The following NEMP2 variants were observed in gnomAD, a reference collection of about 807,000 sequenced individuals.
NEMP2 encodes UPF0571 transmembrane protein.
Under a neutral mutation model 54.2 loss-of-function variants are expected in NEMP2, and 53 were observed. That is an observed-to-expected ratio of 0.98 (90% CI 0.78 to 1.23). The LOEUF is 1.23. Ranked by LOEUF, NEMP2 falls within the 50% of genes most tolerant of loss-of-function variation. The pLI is 0.00. For synonymous variants in NEMP2, 197 were observed against 190.3 expected (o/e 1.04, Z -0.29); for missense variants, 455 against 511.3 (o/e 0.89, Z 1.06).
the NEMP2 span, among the ~76,000 whole-genome samples, chr2:190,547,033 C>T: frequency 2.0e-5 from 3 of 152,216 alleles, no homozygotes; most frequent in Admixed American, 2.0e-4. The surrounding 1 kb of genome is among the most constrained non-coding windows in gnomAD (Gnocchi z 6.2). Context: ...GGAGGACTAT[C>T]TCCCTTTTCA....
rs1690408529 is a variant in NEMP2 at position 190,512,661 on chromosome 2, T to C, written c.953+1792A>G. On this transcript the variant is annotated intron_variant, in intron 7 of 8. Transcript: ENST00000409150. The surrounding 1 kb of genome is among the most constrained non-coding windows in gnomAD (Gnocchi z 4.5). ...TGGTTAAAGGGAAGGAAGAAGGAAC[T>C]CTATCCTGAGTTCCTCAGGCCACAA... is the stretch of plus-strand genomic sequence containing the variant. Among the ~76,000 whole-genome samples the C allele has an allele frequency of 6.6e-6, 1 of 152,156 alleles. No homozygotes were observed. Among genetic ancestry groups the C allele is most frequent in the South Asian group, 2.1e-4 (1 of 4,832 alleles).
the NEMP2 span, among the ~76,000 whole-genome samples, chr2:190,430,449 C>T: frequency 6.6e-6 from 1 of 151,446 alleles, no homozygotes; most frequent in Non-Finnish European, 1.5e-5. Context: ...TAACAAAGCA[C>T]ATCTTGCACC....
At chr2:190,500,333 T>A (rs374143867), downstream of NEMP2, 164 of 1,038,920 alleles carry the variant, frequency 1.6e-4, 1 homozygote, top group Middle Eastern at 5.4e-3. The surrounding 1 kb of genome is among the most constrained non-coding windows in gnomAD (Gnocchi z 5.3). Flanking sequence ...CTGCATATGC[T>A]TCTAAATATC....
chr2:190,633,847 G>T, the NEMP2 span, among the ~76,000 whole-genome samples: 1 of 152,108 alleles, frequency 6.6e-6, no homozygotes, highest in Non-Finnish European at 1.5e-5. Flanking sequence ...GATAAAGGAG[G>T]ATCACCTGAG....
the NEMP2 span, among the ~76,000 whole-genome samples, chr2:190,473,219 C>G: frequency 2.5e-4 from 38 of 152,148 alleles, no homozygotes; most frequent in Non-Finnish European, 5.1e-4. Context: ...ATGACAGGAT[C>G]AAATTCACAC....
chr2:190,606,278 G>A, the NEMP2 span, among the ~76,000 whole-genome samples: 4 of 152,108 alleles, frequency 2.6e-5, no homozygotes, highest in Non-Finnish European at 5.9e-5. Context: ...GAAGGCTCTG[G>A]AAACATCACT....
At chr2:190,497,141 G>C in the NEMP2 span, among the ~76,000 whole-genome samples, 1 of 152,026 alleles carries the variant, frequency 6.6e-6, no homozygotes, top group Admixed American at 6.6e-5. This position sits in a 1 kb window ranked among gnomAD's most constrained non-coding sequence, Gnocchi z 5.2. Flanking sequence ...ATGGGCCTAA[G>C]GCAACACTCA....
Position 190,521,758 on chromosome 2 carries a change from C to A in NEMP2, c.214-2575G>T, listed in dbSNP as rs1205221128. ...TTAATTCTCAGTCATCTTATTTGAC[C>A]TGTCAACAGCACTTGGCATTGCTGA... On this transcript the variant is annotated intron_variant, in intron 2 of 8. Transcript: ENST00000409150. The surrounding 1 kb of genome is among the most constrained non-coding windows in gnomAD (Gnocchi z 6.2). Among the ~76,000 whole-genome samples the A allele has an allele frequency of 6.6e-5, 10 of 152,206 alleles. No homozygotes were observed. The highest frequency in any genetic ancestry group is 6.5e-4 in the Admixed American group (10 of 15,280).
At chr2:190,588,147 G>A in the NEMP2 span, among the ~76,000 whole-genome samples, 1 of 152,158 alleles carries the variant, frequency 6.6e-6, no homozygotes, top group Admixed American at 6.5e-5. This position sits in a 1 kb window ranked among gnomAD's most constrained non-coding sequence, Gnocchi z 5.0. Context: ...AGTTGGAGAT[G>A]GCAGTAGAAA....
the NEMP2 span, among the ~76,000 whole-genome samples, chr2:190,457,433 T>G: frequency 6.6e-6 from 1 of 152,194 alleles, no homozygotes; most frequent in Non-Finnish European, 1.5e-5. The surrounding 1 kb of genome is among the most constrained non-coding windows in gnomAD (Gnocchi z 5.1). Flanking sequence ...GGACTCAGAC[T>G]TTGCGTGTTT....
At chr2:190,648,286 C>G in the NEMP2 span, 1 of 152,308 alleles carries the variant, frequency 6.6e-6, no homozygotes, top group Non-Finnish European at 1.5e-5. Context: ...CCTCCTCCTC[C>G]CGTCCCAACG....
chr2:190,430,809 C>T, the NEMP2 span, among the ~76,000 whole-genome samples: 218 of 147,016 alleles, frequency 1.5e-3, 3 homozygotes, highest in Non-Finnish European at 2.5e-3. Context: ...CCCCCCCCAC[C>T]TCCCTCCCGG....
chr2:190,514,533 C>G lies in NEMP2; in HGVS notation c.873G>C (p.Gln291His). 6.4e-7 allele frequency: 1 copy of G among 1,551,698 alleles called. No homozygotes were observed. Among genetic ancestry groups the G allele is most frequent in the South Asian group, 1.2e-5 (1 of 84,058 alleles). Residue 291 changes from glutamine (Q) to histidine (H), a missense_variant, in exon 7 of 9, where the codon CAG (glutamine) becomes CAC (histidine). By Grantham distance (24) the Gln-to-His change is conservative. Around this residue, in one of 3 missense-constraint regions of NEMP2, gnomAD observed 294 missense variants for 333.6 expected, o/e 0.88. Transcript: ENST00000409150. This position sits in a 1 kb window ranked among gnomAD's most constrained non-coding sequence, Gnocchi z 5.7. ...VLVYAGVAVP[Q>H]FAYAAIILLM... Reference sequence around the variant, plus strand: ...GGAGGATTATGGCTGCATAGGCAAACTGAGGCACGGCCACACCAGCATAGA... The same window carrying G: ...GGAGGATTATGGCTGCATAGGCAAAGTGAGGCACGGCCACACCAGCATAGA...
chr2:190,550,291 G>A, the NEMP2 span, among the ~76,000 whole-genome samples: 1 of 152,122 alleles, frequency 6.6e-6, no homozygotes. This position sits in a 1 kb window ranked among gnomAD's most constrained non-coding sequence, Gnocchi z 4.7. Flanking sequence ...CAGTTTATAG[G>A]TGGCTCCTTC....
the NEMP2 span, among the ~76,000 whole-genome samples, chr2:190,639,832 T>TAA: frequency 6.6e-6 from 1 of 152,078 alleles, no homozygotes; most frequent in South Asian, 2.1e-4. Flanking sequence ...GTATTTTTAG[T>TAA]AGAGACGTGG....
the NEMP2 span, among the ~76,000 whole-genome samples, chr2:190,615,015 C>T: frequency 2.0e-5 from 3 of 152,308 alleles, no homozygotes; most frequent in South Asian, 6.2e-4. The surrounding 1 kb of genome is among the most constrained non-coding windows in gnomAD (Gnocchi z 4.7). Context: ...ACTGTTTTCT[C>T]CTACTATGCT....
chr2:190,641,246 C>T, the NEMP2 span: 1 of 152,208 alleles, frequency 6.6e-6, no homozygotes, highest in East Asian at 1.9e-4. Context: ...TAATCTCCAT[C>T]CTCTTTCCCC....
At chr2:190,432,696 C>G in the NEMP2 span, among the ~76,000 whole-genome samples, 1 of 152,088 alleles carries the variant, frequency 6.6e-6, no homozygotes, top group African/African-American at 2.4e-5. Flanking sequence ...GAATTACAGG[C>G]GTGAGCCACC....
chr2:190,501,507 CTG>C (rs1690023760), downstream of NEMP2: 1 of 152,094 alleles, frequency 6.6e-6, no homozygotes, highest in African/African-American at 2.4e-5. Context: ...AAAGGGAAAA[CTG>C]TTTTAGCTGA....
Sources: gnomAD v4.1 joint callset for allele counts (sites outside exome capture counted in the v4.1 genomes callset) on GRCh38, gnomAD v4.1.1 for gene constraint, gnomAD v4.1.1 regional missense constraint, Gnocchi (gnomAD v3.1) non-coding constraint, MANE v1.5 for transcripts, NCBI Gene and HGNC (gene_info 2026-07-23, HGNC 2026-07-21) for gene names.